R3HCC1L: variants seen among roughly 807,000 people sequenced by gnomAD.
R3HCC1L encodes R3H domain and coiled-coil containing 1 like.
A neutral mutation model predicts 59.9 loss-of-function variants in R3HCC1L; 51 were observed. The observed-to-expected ratio is 0.85, with a 90% CI of 0.68 to 1.07. R3HCC1L has a LOEUF of 1.07. Ranked by LOEUF, R3HCC1L falls within the 50% of genes least tolerant of loss-of-function variation. The probability of loss-of-function intolerance (pLI) is 0.00; values close to 1 mark genes in which losing one functional copy is unlikely to be tolerated. For missense variants in R3HCC1L, 965 were observed against 933.0 expected (o/e 1.03, Z -0.45); for synonymous variants, 322 against 315.2 (o/e 1.02, Z -0.23).
intron 4 of R3HCC1L, among the ~76,000 whole-genome samples, chr10:98,182,185 A>C (rs1849705248): frequency 6.6e-6 from 1 of 152,170 alleles, no homozygotes; most frequent in African/African-American, 2.4e-5. Context: ...GGTGACCTAC[A>C]GATGGGGTTT....
At chr10:98,218,296 C>CTAAT (rs1370519062) in intron 5 of R3HCC1L, among the ~76,000 whole-genome samples, 1 of 151,456 alleles carries the variant, frequency 6.6e-6, no homozygotes, top group African/African-American at 2.4e-5. Context: ...TTCTGTTGAT[C>CTAAT]TAATGTATCA....
Position 98,233,259 on chromosome 10 carries a change from T to A in R3HCC1L, c.1962-1187T>A, listed in dbSNP as rs910764371. Among the ~76,000 whole-genome samples, 4 of 152,200 alleles carry A rather than the reference T, an allele frequency of 2.6e-5. No homozygotes were observed. The South Asian group carries it at 8.3e-4, about 32-fold the overall frequency. The stretch of plus-strand genomic sequence containing the variant: ...TATTTACTTCCCTTTGCTTTGTTTC[T>A]TGATAATCTCACCTGCAGGACCATG... On this transcript the variant is annotated intron_variant, in intron 6 of 9. Transcript: ENST00000298999.
chr10:98,208,822 A>G lies in R3HCC1L; in HGVS notation c.708A>G (p.Pro236=). The change falls in exon 5 of 10, where the codon CCA becomes CCG. Residue 236 remains proline (P), a synonymous_variant. Transcript: ENST00000298999. ...TGAAACCTGAGAATATGATTGTACC[A>G]ATAAAACTAAGCTCTGATTCTGAAA... ...SVMKPENMIV[P]IKLSSDSEIV... is the part of the protein sequence containing the mutation. The G allele has an allele frequency of 4.3e-6, 7 of 1,614,100 alleles. No individual in the cohort carries two copies. Among genetic ancestry groups the G allele is most frequent in the Non-Finnish European group, 5.9e-6 (7 of 1,180,008 alleles).
intron 4 of R3HCC1L, among the ~76,000 whole-genome samples, chr10:98,180,901 G>C (rs1429765353): frequency 1.3e-5 from 2 of 151,968 alleles, no homozygotes; most frequent in African/African-American, 2.4e-5. Flanking sequence ...CCATTTGCTT[G>C]GTAGATCTTC....
intron 1 of R3HCC1L, among the ~76,000 whole-genome samples, chr10:98,142,722 G>A (rs551820407): frequency 1.3e-5 from 2 of 152,086 alleles, no homozygotes; most frequent in South Asian, 2.1e-4. Context: ...ATAACTTGAG[G>A]TCAGGAATTT....
intron 6 of R3HCC1L, among the ~76,000 whole-genome samples, chr10:98,233,857 T>C (rs1327108088): frequency 1.3e-5 from 2 of 152,210 alleles, no homozygotes; most frequent in Non-Finnish European, 2.9e-5. Context: ...TTTTCTTATT[T>C]TTTTAACCTC....
intron 5 of R3HCC1L, among the ~76,000 whole-genome samples, chr10:98,222,006 C>T (rs1445000961): frequency 6.6e-6 from 1 of 152,194 alleles, no homozygotes; most frequent in Non-Finnish European, 1.5e-5. Flanking sequence ...TCTTCCTACC[C>T]ATGAGCATGG....
At chr10:98,179,848 C>T (rs1398610612) in intron 4 of R3HCC1L, among the ~76,000 whole-genome samples, 1 of 152,026 alleles carries the variant, frequency 6.6e-6, no homozygotes, top group Non-Finnish European at 1.5e-5. Flanking sequence ...AGTTTATTTG[C>T]GTATAGGTAT....
Position 98,205,313 on chromosome 10 carries a change from AACTAGAAATTAGCTATGGGAAGAATGTTT to A in R3HCC1L, c.-14-2785_-14-2757del, listed in dbSNP as rs563847671. 6.1e-4 allele frequency among the ~76,000 whole-genome samples: 93 copies of A among 152,286 alleles called. 1 individual carries two copies. In the South Asian group the frequency reaches 0.012, roughly 20 times the overall value. On this transcript the variant is annotated intron_variant, in intron 4 of 9. Coordinates refer to ENST00000298999, the MANE Select transcript of R3HCC1L (RefSeq NM_001351015.2). Reference sequence around the variant, plus strand: ...CTATATTTGGTGATCTCACAATGATAACTAGAAATTAGCTATGGGAAGAATGTTTACGCTACAGAGATTGTCAAATGCCA... The same window carrying A: ...CTATATTTGGTGATCTCACAATGATAACGCTACAGAGATTGTCAAATGCCA...
rs1399669537 is a variant in R3HCC1L at position 98,244,147 on chromosome 10, T to C, written c.2326T>C (p.Ser776Pro). The stretch of plus-strand genomic sequence containing the variant: ...AGACATCTGGGAAGGCAGAGACCAG[T>C]CTACAGTTTGAACATCACTCAATGA... The part of the protein sequence containing the change: ...REDIWEGRDQ[S>P]TV Residue 776 changes from serine (S) to proline (P), a missense_variant, in exon 10 of 10, where the codon TCT (serine) becomes CCT (proline). Ser to Pro is a moderately conservative substitution (Grantham distance 74, BLOSUM62 -1). Transcript: ENST00000298999. 1 of 1,613,908 alleles carries C rather than the reference T, an allele frequency of 6.2e-7. No individual in the cohort carries two copies. The highest frequency in any genetic ancestry group is 1.7e-5 in the Admixed American group (1 of 60,028).
rs955074371 is a variant in R3HCC1L at position 98,139,497 on chromosome 10, T to C, written c.-268+4791T>C. ...TCATGCCTTGAAAGAGTACCCTCCT[T>C]CTGTTGTGCTACCCACGAGGAAATG... is the stretch of plus-strand genomic sequence containing the variant. On this transcript the variant is annotated intron_variant, in intron 1 of 9. Coordinates refer to ENST00000298999, the MANE Select transcript of R3HCC1L (RefSeq NM_001351015.2). Among the ~76,000 whole-genome samples the C allele has an allele frequency of 2.0e-5, 3 of 152,176 alleles. No homozygotes were observed. In the East Asian group the frequency reaches 5.8e-4, roughly 29 times the overall value.
intron 4 of R3HCC1L, among the ~76,000 whole-genome samples, chr10:98,171,655 GAGA>G (rs1848522535): frequency 2.0e-5 from 3 of 152,280 alleles, no homozygotes; most frequent in African/African-American, 7.2e-5. Context: ...GAAACATTAT[GAGA>G]AGAAGTCATT....
intron 4 of R3HCC1L, among the ~76,000 whole-genome samples, chr10:98,165,220 C>T (rs1182866226): frequency 6.6e-6 from 1 of 152,180 alleles, no homozygotes. Flanking sequence ...GCTGAGATTG[C>T]GCCAGTGCAC....
intron 5 of R3HCC1L, among the ~76,000 whole-genome samples, chr10:98,212,211 T>C (rs1853663436): frequency 6.6e-6 from 1 of 152,232 alleles, no homozygotes; most frequent in South Asian, 2.1e-4. Flanking sequence ...GCAACATTAA[T>C]AGCCCTTTGA....
At chr10:98,214,037 A>T (rs1853891870) in intron 5 of R3HCC1L, among the ~76,000 whole-genome samples, 1 of 152,214 alleles carries the variant, frequency 6.6e-6, no homozygotes, top group South Asian at 2.1e-4. Context: ...AACATTAAGT[A>T]GATTCCATCA....
chr10:98,145,678 G>A (rs1283170398), intron 1 of R3HCC1L, among the ~76,000 whole-genome samples: 7 of 152,294 alleles, frequency 4.6e-5, no homozygotes, highest in South Asian at 4.1e-4. Flanking sequence ...CTCGCTGGGC[G>A]CGGTGGCCCA....
intron 1 of R3HCC1L, among the ~76,000 whole-genome samples, chr10:98,150,096 A>C (rs1845999181): frequency 6.6e-6 from 1 of 152,104 alleles, no homozygotes; most frequent in Admixed American, 6.5e-5. Context: ...GCCTCTAATG[A>C]CTTTTTCAGT....
chr10:98,136,480 A>T (rs1844594717), intron 1 of R3HCC1L, among the ~76,000 whole-genome samples: 1 of 152,228 alleles, frequency 6.6e-6, no homozygotes, highest in African/African-American at 2.4e-5. Flanking sequence ...AAATTGATTT[A>T]GGTTTCATAT....
At chr10:98,148,031 A>G (rs1024970964) in intron 1 of R3HCC1L, among the ~76,000 whole-genome samples, 5 of 152,070 alleles carry the variant, frequency 3.3e-5, no homozygotes, top group Non-Finnish European at 7.4e-5. Context: ...TACTCCCTCT[A>G]ATTCATGAGC....
Sources: gnomAD v4.1 joint callset for allele counts (sites outside exome capture counted in the v4.1 genomes callset) on GRCh38, gnomAD v4.1.1 for gene constraint, MANE v1.5 for transcripts, NCBI Gene and HGNC (gene_info 2026-07-23, HGNC 2026-07-21) for gene names.